TMEM117: variants seen among roughly 807,000 people sequenced by gnomAD.
TMEM117 encodes the protein transmembrane protein 117.
Under a neutral mutation model 52.4 loss-of-function variants are expected in TMEM117, and 27 were observed. The ratio of observed to expected loss-of-function variants is 0.51; its 90% CI spans 0.38 to 0.71. The LOEUF is 0.71. Ranked by LOEUF, TMEM117 falls within the 30% of genes least tolerant of loss-of-function variation. The pLI is 0.00. For synonymous variants in TMEM117, 215 were observed against 206.3 expected (o/e 1.04, Z -0.36); for missense variants, 556 against 630.5 (o/e 0.88, Z 1.26).
chr12:43,921,647 T>A (rs1400048346), intron 2 of TMEM117, among the ~76,000 whole-genome samples: 1 of 152,230 alleles, frequency 6.6e-6, no homozygotes, highest in East Asian at 1.9e-4. Context: ...ATATTAAATT[T>A]GTTATACAAC....
At chr12:44,019,276 C>A (rs1208756092) in intron 3 of TMEM117, among the ~76,000 whole-genome samples, 8 of 151,844 alleles carry the variant, frequency 5.3e-5, no homozygotes, top group Non-Finnish European at 1.5e-5. Context: ...CAGGCAAGTC[C>A]TGTAGAGCAG....
intron 5 of TMEM117, among the ~76,000 whole-genome samples, chr12:44,255,191 G>A (rs1950245615): frequency 1.3e-5 from 2 of 152,094 alleles, no homozygotes; most frequent in African/African-American, 4.8e-5. Flanking sequence ...GGATGGCTGG[G>A]TGAAATGGTA....
chr12:43,846,657 A>G (rs1039524609), intron 2 of TMEM117, among the ~76,000 whole-genome samples: 1 of 152,208 alleles, frequency 6.6e-6, no homozygotes, highest in African/African-American at 2.4e-5. Flanking sequence ...AAATAAATGT[A>G]TACTCTGTAT....
chr12:44,377,865 C>G (rs1951963978), intron 7 of TMEM117, among the ~76,000 whole-genome samples: 1 of 152,158 alleles, frequency 6.6e-6, no homozygotes, highest in Admixed American at 6.5e-5. Context: ...CTGTTTTTTG[C>G]TTTAAGCATG....
At chr12:44,344,105 C>T (rs1448177556) in intron 6 of TMEM117, among the ~76,000 whole-genome samples, 1 of 152,118 alleles carries the variant, frequency 6.6e-6, no homozygotes. Context: ...GTAGGGAGAG[C>T]AGGCTTGCAT....
chr12:44,207,986 C>T (rs552267513), intron 4 of TMEM117, among the ~76,000 whole-genome samples: 7 of 152,182 alleles, frequency 4.6e-5, no homozygotes, highest in Non-Finnish European at 1.0e-4. Flanking sequence ...TGCTGTGACT[C>T]TTAATAAGAA....
chr12:43,993,378 C>T (rs138281120), intron 3 of TMEM117, among the ~76,000 whole-genome samples: 76 of 152,224 alleles, frequency 5.0e-4, no homozygotes, highest in Non-Finnish European at 8.8e-4. Flanking sequence ...GTTTGTTACA[C>T]TTATCATTAT....
Position 44,370,505 on chromosome 12 carries a change from C to CTTTTTTTT in TMEM117, c.769-6076_769-6069dup, listed in dbSNP as rs947989035. 2.3e-3 allele frequency among the ~76,000 whole-genome samples: 282 copies of CTTTTTTTT among 120,400 alleles called. 4 individuals carry two copies. Among genetic ancestry groups the CTTTTTTTT allele is most frequent in the African/African-American group, 8.8e-3 (265 of 30,092 alleles). 79.0% of individuals were successfully genotyped at this position (120,400 alleles called of 152,430 possible). A position where few individuals can be genotyped will look rare whatever the true frequency, so the allele number is the denominator to read the frequency against. On this transcript the variant is annotated intron_variant, in intron 6 of 7. Transcript: ENST00000266534. ...CCATTTATGTGAAACCACAGAGATT[C>CTTTTTTTT]TTTTTTTTTTTTTTTTTTTTTGAGA...
intron 4 of TMEM117, among the ~76,000 whole-genome samples, chr12:44,193,382 A>C (rs111612977): frequency 0.016 from 2,367 of 152,332 alleles, 36 homozygotes; most frequent in Admixed American, 0.028. Flanking sequence ...AAAGTAAAGG[A>C]TATCTTTAGA....
At chr12:43,825,881 G>A in the TMEM117 span, among the ~76,000 whole-genome samples, 1 of 152,114 alleles carries the variant, frequency 6.6e-6, no homozygotes, top group Non-Finnish European at 1.5e-5. Context: ...GACTCATAAT[G>A]GATGCTTATG....
intron 3 of TMEM117, among the ~76,000 whole-genome samples, chr12:44,085,002 C>G (rs1001290451): frequency 9.2e-5 from 14 of 152,134 alleles, no homozygotes; most frequent in African/African-American, 3.4e-4. Context: ...TGTGAAGATT[C>G]AATAACAGCA....
chr12:44,056,978 G>T (rs950242412), intron 3 of TMEM117, among the ~76,000 whole-genome samples: 4 of 152,148 alleles, frequency 2.6e-5, no homozygotes, highest in Non-Finnish European at 4.4e-5. Flanking sequence ...ATCACAGCAA[G>T]TCTCATGCCT....
intron 5 of TMEM117, among the ~76,000 whole-genome samples, chr12:44,264,908 T>G (rs554465435): frequency 1.3e-5 from 2 of 152,288 alleles, no homozygotes; most frequent in South Asian, 4.1e-4. Context: ...ACAACAACCT[T>G]ATGAATTATG....
intron 2 of TMEM117, among the ~76,000 whole-genome samples, chr12:43,898,358 T>G: frequency 6.7e-6 from 1 of 148,472 alleles, no homozygotes; most frequent in East Asian, 1.9e-4. Flanking sequence ...TTGTGATTAA[T>G]ATATATTATT....
chr12:44,021,157 A>G (rs1946449358), intron 3 of TMEM117, among the ~76,000 whole-genome samples: 1 of 152,132 alleles, frequency 6.6e-6, no homozygotes, highest in South Asian at 2.1e-4. Context: ...GGGTTGTTAC[A>G]TAGGTAAACT....
At chr12:44,073,996 T>C (rs1947342989) in intron 3 of TMEM117, among the ~76,000 whole-genome samples, 1 of 152,228 alleles carries the variant, frequency 6.6e-6, no homozygotes, top group African/African-American at 2.4e-5. Flanking sequence ...GTGATAGTGA[T>C]TGTGTTCTTT....
At chr12:44,116,854 C>G (rs894360633) in intron 3 of TMEM117, among the ~76,000 whole-genome samples, 1 of 152,200 alleles carries the variant, frequency 6.6e-6, no homozygotes, top group Non-Finnish European at 1.5e-5. Flanking sequence ...ATGACTGCTG[C>G]TAGTTCCTTA....
chr12:43,991,537 C>A (rs1041937908), intron 3 of TMEM117, among the ~76,000 whole-genome samples: 4 of 151,258 alleles, frequency 2.6e-5, no homozygotes, highest in African/African-American at 9.8e-5. Context: ...TCCCTGACCT[C>A]CTCAAGGACC....
At chr12:43,970,612 G>T (rs1296727005) in intron 3 of TMEM117, among the ~76,000 whole-genome samples, 2 of 152,084 alleles carry the variant, frequency 1.3e-5, no homozygotes, top group African/African-American at 4.8e-5. Context: ...ATAAAGTATT[G>T]TTGTTAAGTT....
Sources: gnomAD v4.1 joint callset for allele counts (sites outside exome capture counted in the v4.1 genomes callset) on GRCh38, gnomAD v4.1.1 for gene constraint, MANE v1.5 for transcripts, NCBI Gene and HGNC (gene_info 2026-07-23, HGNC 2026-07-21) for gene names.